RALY: variants seen among roughly 807,000 people sequenced by gnomAD.
RALY encodes RNA-binding protein Raly.
In RALY, 15 loss-of-function variants were observed where a neutral mutation model predicts 30.7. That is an observed-to-expected ratio of 0.49 (90% CI 0.33 to 0.75). The LOEUF (loss-of-function observed/expected upper bound fraction) is 0.75, where lower values mean the gene tolerates loss of function less well. Ranked by LOEUF, RALY falls within the 30% of genes least tolerant of loss-of-function variation. RALY has a pLI of 0.02. For synonymous variants in RALY, 177 were observed against 170.8 expected, an observed-to-expected ratio of 1.04 and a Z score of -0.28; for missense variants, 339 against 414.3, an observed-to-expected ratio of 0.82 and a Z score of 1.58.
chr20:34,068,620 TGTTTAAAC>T (rs2033643567), intron 2 of RALY, among the ~76,000 whole-genome samples: 1 of 152,238 alleles, frequency 6.6e-6, no homozygotes, highest in Admixed American at 6.5e-5. Context: ...ATGTACCATA[TGTTTAAAC>T]ATTTGAAGGT....
At chr20:34,030,523 A>T (rs1369570954) in intron 1 of RALY, among the ~76,000 whole-genome samples, 1 of 152,232 alleles carries the variant, frequency 6.6e-6, no homozygotes, top group Admixed American at 6.5e-5. Flanking sequence ...AATAAATCTC[A>T]GAGTCCTTGA....
rs1343791990 is a variant in RALY, at chr20:34,084,638, CTTA to C, written c.*4738_*4740del. 1 of 152,304 alleles carries C rather than the reference CTTA, an allele frequency of 6.6e-6. No homozygotes were observed. The highest frequency in any genetic ancestry group is 6.5e-5 in the Admixed American group (1 of 15,292). 9.4% of individuals were successfully genotyped at this position (152,304 alleles called of 1,614,324 possible). Reference sequence around the variant, plus strand: ...CAGACTGAAGCACTAGCAGCTTCCACTTATTATCTCTTGGGACTCTAGCTCTTG... The same window carrying C: ...CAGACTGAAGCACTAGCAGCTTCCACTTATCTCTTGGGACTCTAGCTCTTG... On this transcript the variant is annotated 3_prime_UTR_variant, in exon 10 of 10. Transcript: ENST00000246194.
intron 1 of RALY, among the ~76,000 whole-genome samples, chr20:34,024,125 C>G (rs955728379): frequency 1.3e-5 from 2 of 152,124 alleles, no homozygotes; most frequent in Non-Finnish European, 1.5e-5. Flanking sequence ...CCTCCCTGCT[C>G]TGGTCTTACC....
At chr20:34,037,270 A>G (rs1056019888) in intron 2 of RALY, among the ~76,000 whole-genome samples, 1 of 152,188 alleles carries the variant, frequency 6.6e-6, no homozygotes, top group African/African-American at 2.4e-5. Context: ...GCCTGCCCCA[A>G]ATCAGCACTG....
At chr20:34,067,555 C>G (rs1249178372) in intron 2 of RALY, among the ~76,000 whole-genome samples, 1 of 152,180 alleles carries the variant, frequency 6.6e-6, no homozygotes, top group African/African-American at 2.4e-5. Context: ...CTTTGCAAAC[C>G]CCTGCCACTT....
intron 2 of RALY, among the ~76,000 whole-genome samples, chr20:34,057,764 G>C (rs1385813860): frequency 6.6e-6 from 1 of 151,586 alleles, no homozygotes; most frequent in Non-Finnish European, 1.5e-5. Context: ...ATTATTTAAA[G>C]AATGGTAATA....
At chr20:34,073,433 G>T (rs2033786932) in intron 3 of RALY, 130 bp from the exon 4 acceptor site, 5 of 807,188 alleles carry the variant, frequency 6.2e-6, no homozygotes, top group South Asian at 6.1e-5. Context: ...ACCTTTGTTG[G>T]CACCATCAGT....
chr20:34,056,704 G>A (rs1166282422), intron 2 of RALY, among the ~76,000 whole-genome samples: 2 of 152,182 alleles, frequency 1.3e-5, no homozygotes, highest in African/African-American at 2.4e-5. Flanking sequence ...CATGAAAACA[G>A]TAATGAGGAT....
At chr20:34,058,611 C>T (rs879559519) in intron 2 of RALY, among the ~76,000 whole-genome samples, 3 of 152,206 alleles carry the variant, frequency 2.0e-5, no homozygotes, top group Non-Finnish European at 4.4e-5. Context: ...CATGTTCACT[C>T]TCTGACCTTA....
intron 2 of RALY, among the ~76,000 whole-genome samples, chr20:34,032,498 C>T (rs542243065): frequency 1.3e-3 from 148 of 114,196 alleles, no homozygotes; most frequent in African/African-American, 5.1e-3. Flanking sequence ...GACAAAATCC[C>T]TTTTTGTGTG....
At chr20:34,009,340 G>A (rs2031298890) in intron 1 of RALY, among the ~76,000 whole-genome samples, 1 of 152,080 alleles carries the variant, frequency 6.6e-6, no homozygotes, top group African/African-American at 2.4e-5. Flanking sequence ...CCGGGTTCAA[G>A]TAATTCTCCT....
intron 1 of RALY, among the ~76,000 whole-genome samples, chr20:34,002,240 A>G (rs1297822912): frequency 1.3e-5 from 2 of 152,156 alleles, no homozygotes; most frequent in Admixed American, 6.5e-5. Context: ...GATTCACCCT[A>G]ATTGATTCTT....
At chr20:34,061,187 AG>A (rs1356987455) in intron 2 of RALY, among the ~76,000 whole-genome samples, 7 of 152,200 alleles carry the variant, frequency 4.6e-5, no homozygotes, top group Non-Finnish European at 7.3e-5. Flanking sequence ...AAGTGGTTCC[AG>A]CCCCCCATTA....
chr20:34,005,519 A>AG (rs2031119256), intron 1 of RALY, among the ~76,000 whole-genome samples: 3 of 152,136 alleles, frequency 2.0e-5, no homozygotes, highest in African/African-American at 7.2e-5. Context: ...AAAAAAAAAA[A>AG]AATCTGACCT....
chr20:34,057,894 T>G lies in RALY; in HGVS notation c.-9-14172T>G, dbSNP rs191485116. 8.1e-4 allele frequency among the ~76,000 whole-genome samples: 123 copies of G among 152,278 alleles called. 1 individual carries two copies. Among genetic ancestry groups the G allele is most frequent in the Admixed American group, 2.7e-3 (42 of 15,300 alleles). On this transcript the variant is annotated intron_variant, in intron 2 of 9. Transcript: ENST00000246194. ...ATAGAGAACATTGGTTCATGGAGTTTAATGAGATGTCCAAGGTCACACAGC... is the reference window on the plus strand; with the variant it reads ...ATAGAGAACATTGGTTCATGGAGTTGAATGAGATGTCCAAGGTCACACAGC...
At chr20:34,052,353 C>T (rs930369067) in intron 2 of RALY, among the ~76,000 whole-genome samples, 1 of 152,150 alleles carries the variant, frequency 6.6e-6, no homozygotes, top group Non-Finnish European at 1.5e-5. Context: ...GTAACTGACT[C>T]AGTCCAGTTC....
chr20:34,002,299 A>G (rs2030954587), intron 1 of RALY, among the ~76,000 whole-genome samples: 1 of 150,104 alleles, frequency 6.7e-6, no homozygotes, highest in Non-Finnish European at 1.5e-5. Context: ...AGAGGAAGTT[A>G]CTTAGTTGCC....
At position 33,993,943 on chromosome 20, in the gene RALY, C is replaced by T. The variant is rs988740778; in HGVS notation, c.-281C>T. Reference sequence around the variant, plus strand: ...CGGCGGGGCGCGCGAGCGGCGCCAGCTCGGGGCAGCGGAACCCAGAGAAGC... The same window carrying T: ...CGGCGGGGCGCGCGAGCGGCGCCAGTTCGGGGCAGCGGAACCCAGAGAAGC... On this transcript the variant is annotated 5_prime_UTR_variant, in exon 1 of 10. Coordinates refer to ENST00000246194, the MANE Select transcript of RALY (RefSeq NM_016732.3). The T allele has an allele frequency of 6.6e-6, 1 of 151,994 alleles. No homozygotes were observed. The highest frequency in any genetic ancestry group is 6.6e-5 in the Admixed American group (1 of 15,254). The allele number at this position is 151,994 out of a possible 1,614,324, so 9.4% of individuals were successfully genotyped here. A position where few individuals can be genotyped will look rare whatever the true frequency, so the allele number is the denominator to read the frequency against.
chr20:34,054,338 A>G (rs1308663226), intron 2 of RALY, among the ~76,000 whole-genome samples: 1 of 152,212 alleles, frequency 6.6e-6, no homozygotes, highest in Non-Finnish European at 1.5e-5. Flanking sequence ...AGGGAGACAG[A>G]TGTGTAAATA....
Sources: gnomAD v4.1 joint callset for allele counts (sites outside exome capture counted in the v4.1 genomes callset) on GRCh38, gnomAD v4.1.1 for gene constraint, MANE v1.5 for transcripts, NCBI Gene and HGNC (gene_info 2026-07-23, HGNC 2026-07-21) for gene names.